LILRA2: variants seen among roughly 807,000 people sequenced by gnomAD.
LILRA2 encodes leukocyte immunoglobulin-like receptor subfamily A member 2.
In LILRA2, 45 loss-of-function variants were observed where a neutral mutation model predicts 47.9. The observed-to-expected ratio is 0.94, with a 90% CI of 0.74 to 1.20. The LOEUF is 1.20. Ranked by LOEUF, LILRA2 falls within the 50% of genes most tolerant of loss-of-function variation. LILRA2 has a pLI of 0.00. For synonymous variants in LILRA2, 279 were observed against 249.2 expected (o/e 1.12, Z -1.13); for missense variants, 651 against 598.2 (o/e 1.09, Z -0.92).
intron 6 of LILRA2, among the ~76,000 whole-genome samples, chr19:54,578,089 A>G (rs2062528357): frequency 6.6e-6 from 1 of 151,518 alleles, no homozygotes; most frequent in Non-Finnish European, 1.5e-5. Flanking sequence ...CAACATCTTT[A>G]ACAATTGATA....
chr19:54,586,512 C>T (rs1384285945), intron 6 of LILRA2, among the ~76,000 whole-genome samples: 1 of 152,120 alleles, frequency 6.6e-6, no homozygotes, highest in African/African-American at 2.4e-5. Flanking sequence ...GAGGCAGACC[C>T]AGACTTTCAC....
Position 54,575,373 on chromosome 19 carries a change from A to C in LILRA2, c.773A>C (p.Glu258Ala). ...VGYDRFVLYK[E>A]GERDFLQRPG... The stretch of plus-strand genomic sequence containing the variant: ...TACGACAGATTTGTTCTGTATAAGG[A>C]GGGAGAACGTGACTTCCTCCAGCGC... Residue 258 changes from glutamate (E) to alanine (A), a missense_variant, in exon 5 of 8, where the codon GAG becomes GCG. By Grantham distance (107) the Glu-to-Ala change is moderately radical. Transcript: ENST00000391738. The C allele has an allele frequency of 1.2e-6, 2 of 1,614,038 alleles. No homozygotes were observed. Among genetic ancestry groups the C allele is most frequent in the South Asian group, 2.2e-5 (2 of 91,088 alleles).
In LILRA2 at chr19:54,586,692, C is replaced by T. The variant is rs746037419; in HGVS notation, c.1256-318C>T. 3.7e-3 allele frequency among the ~76,000 whole-genome samples: 562 copies of T among 152,224 alleles called. No homozygotes were observed. The South Asian group carries it at 0.073, about 20-fold the overall frequency. The stretch of plus-strand genomic sequence containing the variant: ...GGGCTCAGAGAGGACACAGAGAGCA[C>T]ACAAGGTCCCAGGCTGCACAGAGAG... On this transcript the variant is annotated intron_variant, in intron 6 of 7. Transcript: ENST00000391738.
rs2062895673 is a variant in LILRA2 at position 54,589,788 on chromosome 19, C to T, written c.*2442C>T. The T allele has an allele frequency of 6.6e-6, 1 of 151,336 alleles. No individual in the cohort carries two copies. The highest frequency in any genetic ancestry group is 1.5e-5 in the Non-Finnish European group (1 of 67,888). The allele number at this position is 151,336 out of a possible 1,614,324, so 9.4% of individuals were successfully genotyped here. A position where few individuals can be genotyped will look rare whatever the true frequency, so the allele number is the denominator to read the frequency against. Reference sequence around the variant, plus strand: ...CCATCATGCTGTCCTAGAAGATCCACTTAGAATTTCGGTATTTACTCACCA... The same window carrying T: ...CCATCATGCTGTCCTAGAAGATCCATTTAGAATTTCGGTATTTACTCACCA... On this transcript the variant is annotated 3_prime_UTR_variant, in exon 8 of 8. Coordinates refer to ENST00000391738, the MANE Select transcript of LILRA2 (RefSeq NM_001130917.3).
Position 54,573,886 on chromosome 19 carries a change from C to T in LILRA2, c.8C>T (p.Pro3Leu), listed in dbSNP as rs1428777987. The change falls in exon 1 of 8, where the codon CCC becomes CTC. Residue 3 changes from proline (P) to leucine (L), a missense_variant. Coordinates refer to ENST00000391738, the MANE Select transcript of LILRA2 (RefSeq NM_001130917.3). MT[P>L]ILTVLICLGL... ...GCAGTGGGAGGAGACGCCATGACCC[C>T]CATCCTCACGGTCCTGATCTGTCTC... 1 of 1,614,204 alleles carries T rather than the reference C, an allele frequency of 6.2e-7. No homozygotes were observed. Among genetic ancestry groups the T allele is most frequent in the South Asian group, 1.1e-5 (1 of 91,082 alleles).
chr19:54,586,603 G>A lies in LILRA2; in HGVS notation c.1256-407G>A, dbSNP rs532193968. On this transcript the variant is annotated intron_variant, in intron 6 of 7. Coordinates refer to ENST00000391738, the MANE Select transcript of LILRA2 (RefSeq NM_001130917.3). ...GCCTGGGTCCTCAGCTGGCGGATCC[G>A]TGAAACTCATCTCTGGGGAGCATTG... 3.3e-5 allele frequency among the ~76,000 whole-genome samples: 5 copies of A among 152,250 alleles called. No homozygotes were observed. In the South Asian group the frequency reaches 6.2e-4, roughly 19 times the overall value.
chr19:54,578,818 A>C (rs548497417), intron 6 of LILRA2, among the ~76,000 whole-genome samples: 2 of 152,308 alleles, frequency 1.3e-5, no homozygotes, highest in African/African-American at 4.8e-5. Context: ...TGCCATTCTA[A>C]CTGGCATGAG....
intron 6 of LILRA2, among the ~76,000 whole-genome samples, chr19:54,586,550 C>T (rs1299645166): frequency 2.6e-5 from 4 of 152,140 alleles, no homozygotes; most frequent in South Asian, 2.1e-4. Flanking sequence ...ATTCAAGAGC[C>T]CCTGAGGTCC....
chr19:54,577,600 A>T, intron 6 of LILRA2: 1 of 1,289,676 alleles, frequency 7.8e-7, no homozygotes, highest in Non-Finnish European at 1.0e-6. Flanking sequence ...GCTCCTTTAG[A>T]GAGAAGCACC....
rs2062408326 is a variant in LILRA2, at chr19:54,575,943, C to T, written c.1089C>T (p.Pro363=). 1 of 1,613,992 alleles carries T rather than the reference C, an allele frequency of 6.2e-7. No homozygotes were observed. The highest frequency in any genetic ancestry group is 8.5e-7 in the Non-Finnish European group (1 of 1,179,964). The change falls in exon 6 of 8, where the codon CCC becomes CCT. Residue 363 remains proline (P), a synonymous_variant. Coordinates refer to ENST00000391738, the MANE Select transcript of LILRA2 (RefSeq NM_001130917.3). The part of the protein sequence containing the change: ...FLLTKEGAGH[P]PLHLRSEHQA... ...TGACCAAGGAGGGGGCAGGCCATCCCCCACTGCATCTGAGATCAGAGCACC... is the reference window on the plus strand; with the variant it reads ...TGACCAAGGAGGGGGCAGGCCATCCTCCACTGCATCTGAGATCAGAGCACC...
chr19:54,583,978 A>G (rs534620551), intron 6 of LILRA2, among the ~76,000 whole-genome samples: 1 of 152,144 alleles, frequency 6.6e-6, no homozygotes, highest in Admixed American at 6.5e-5. Context: ...TGGTGACAAA[A>G]TCTCTCAGCA....
At chr19:54,585,722 G>C (rs1600239121) in intron 6 of LILRA2, among the ~76,000 whole-genome samples, 1 of 152,274 alleles carries the variant, frequency 6.6e-6, no homozygotes, top group East Asian at 1.9e-4. Flanking sequence ...GCTAGGAAAG[G>C]GAAATCCTCC....
intron 5 of LILRA2, 35 bp downstream of exon 5, chr19:54,575,587 G>C: frequency 1.2e-6 from 2 of 1,607,474 alleles, no homozygotes; most frequent in Non-Finnish European, 1.7e-6. Context: ...AGGGACCCAG[G>C]CTCTGCACAG....
intron 2 of LILRA2, 24 bp downstream of exon 2, chr19:54,574,135 AG>A (rs750890993): frequency 9.4e-5 from 151 of 1,614,158 alleles, no homozygotes; most frequent in Non-Finnish European, 1.2e-4. Flanking sequence ...CAGCTGTCCC[AG>A]GTCCCTCCTC....
At chr19:54,580,192 C>CAAAGGGAATACTTCTTTGCCCA (rs2062600875) in intron 6 of LILRA2, among the ~76,000 whole-genome samples, 3 of 112,022 alleles carry the variant, frequency 2.7e-5, no homozygotes, top group African/African-American at 1.0e-4. Flanking sequence ...TGCCGGTTTT[C>CAAAGGGAATACTTCTTTGCCCA]TTTTCTTTTT....
intron 6 of LILRA2, among the ~76,000 whole-genome samples, chr19:54,578,453 A>G (rs985244065): frequency 2.0e-5 from 3 of 152,180 alleles, no homozygotes; most frequent in South Asian, 4.2e-4. Context: ...AAGGACATGA[A>G]CTCATCCTTT....
intron 4 of LILRA2, 63 bp downstream of exon 4, chr19:54,575,096 G>T (rs888170659): frequency 2.5e-5 from 39 of 1,580,744 alleles, no homozygotes; most frequent in Non-Finnish European, 3.1e-5. Context: ...GGCAGGTGGG[G>T]AGCAGCCGCG....
At position 54,587,041 on chromosome 19, in the gene LILRA2, C is replaced by G. The variant is rs1398516621; in HGVS notation, c.1287C>G (p.Asn429Lys). ...EAAETLSPSQ[N>K]KTDSTTTSLG... The stretch of plus-strand genomic sequence containing the variant: ...CTGAGACCCTCAGCCCATCACAAAA[C>G]AAGACAGACTCCACGACTAGTGAGT... Residue 429 changes from asparagine to lysine, a missense_variant, in exon 7 of 8, where the codon AAC becomes AAG. By Grantham distance (94) the Asn-to-Lys change is moderately conservative (BLOSUM62 0). Transcript: ENST00000391738. The G allele has an allele frequency of 6.2e-7, 1 of 1,613,582 alleles. No homozygotes were observed. Among genetic ancestry groups the G allele is most frequent in the African/African-American group, 1.3e-5 (1 of 74,920 alleles).
chr19:54,574,614 G>T, intron 3 of LILRA2, 32 bp downstream of exon 3: 1 of 1,610,326 alleles, frequency 6.2e-7, no homozygotes, highest in Non-Finnish European at 8.5e-7. Context: ...CCAGCCCCAG[G>T]CTCTGCCCTC....
Sources: gnomAD v4.1 joint callset for allele counts (sites outside exome capture counted in the v4.1 genomes callset) on GRCh38, gnomAD v4.1.1 for gene constraint, MANE v1.5 for transcripts, NCBI Gene and HGNC (gene_info 2026-07-23, HGNC 2026-07-21) for gene names.